PCDHGA2: variants seen among roughly 807,000 people sequenced by gnomAD.
PCDHGA2 encodes protocadherin gamma subfamily A, 2.
PCDHGA2 carries 40 observed loss-of-function variants against 59.2 expected under a neutral mutation model. The observed-to-expected ratio is 0.68, with a 90% CI of 0.52 to 0.88. The LOEUF (loss-of-function observed/expected upper bound fraction) is 0.88, where lower values mean the gene tolerates loss of function less well. Among genes scored for constraint, PCDHGA2 ranks in the 40% least tolerant of loss-of-function variants. The pLI is 0.00. For missense variants in PCDHGA2, 1,226 were observed against 1,204.0 expected, an observed-to-expected ratio of 1.02 and a Z score of -0.27; for synonymous variants, 560 against 526.0, an observed-to-expected ratio of 1.06 and a Z score of -0.89.
At chr5:141,361,039 A>G (rs1561522364) in intron 1 of PCDHGA2, 6 of 1,613,496 alleles carry the variant, frequency 3.7e-6, no homozygotes, top group Non-Finnish European at 4.2e-6. Flanking sequence ...AGGAGAAATC[A>G]CGACAAAGGA....
intron 1 of PCDHGA2, among the ~76,000 whole-genome samples, chr5:141,488,782 C>T (rs990081222): frequency 2.0e-5 from 3 of 152,178 alleles, no homozygotes; most frequent in Non-Finnish European, 1.5e-5. Flanking sequence ...TTTTGTATCA[C>T]TTTGTCTTCC....
At chr5:141,405,093 T>C in intron 1 of PCDHGA2, 1 of 1,613,946 alleles carries the variant, frequency 6.2e-7, no homozygotes, top group Non-Finnish European at 8.5e-7. Flanking sequence ...CTGCTGGCCC[T>C]CAGGCTGAGG....
intron 1 of PCDHGA2, chr5:141,427,931 G>C: frequency 6.3e-7 from 1 of 1,583,764 alleles, no homozygotes; most frequent in Non-Finnish European, 8.6e-7. Flanking sequence ...GGCGCATGTT[G>C]GTGGGCGACC....
rs150106838 is a variant in PCDHGA2, at chr5:141,503,886, T to C, written c.2484-1507T>C. On this transcript the variant is annotated intron_variant, in intron 2 of 3. Coordinates refer to ENST00000394576, the MANE Select transcript of PCDHGA2 (RefSeq NM_018915.4). Reference sequence around the variant, plus strand: ...AGTTCTTGGTTGTGCTCACCCACCATGACAAAATATGCACACACACAACGC... The same window carrying C: ...AGTTCTTGGTTGTGCTCACCCACCACGACAAAATATGCACACACACAACGC... Among the ~76,000 whole-genome samples, 20 of 152,290 alleles carry C rather than the reference T, an allele frequency of 1.3e-4. No individual in the cohort carries two copies. The South Asian group carries it at 3.9e-3, about 30-fold the overall frequency.
Position 141,489,087 on chromosome 5 carries a change from TGA to T in PCDHGA2, c.2425-5719_2425-5718del. The T allele has an allele frequency of 4.6e-6, 1 of 216,098 alleles. No individual in the cohort carries two copies. 13.4% of individuals were successfully genotyped at this position (216,098 alleles called of 1,614,324 possible). ...CCCCCTGCCCACCCCCGCCACTCGGTGACTAAGAACTGCTGCAAGCAGGCAAA... is the reference window on the plus strand; with the variant it reads ...CCCCCTGCCCACCCCCGCCACTCGGTCTAAGAACTGCTGCAAGCAGGCAAA... On this transcript the variant is annotated intron_variant, in intron 1 of 3. Transcript: ENST00000394576. The surrounding 1 kb of genome is among the most constrained non-coding windows in gnomAD (Gnocchi z 4.5).
intron 1 of PCDHGA2, chr5:141,374,849 C>T: frequency 6.2e-7 from 1 of 1,613,754 alleles, no homozygotes; most frequent in Non-Finnish European, 8.5e-7. Context: ...TGAAAACCTG[C>T]CAGTAGGCAC....
At chr5:141,407,708 G>C (rs2094972839) in intron 1 of PCDHGA2, among the ~76,000 whole-genome samples, 1 of 152,106 alleles carries the variant, frequency 6.6e-6, no homozygotes, top group African/African-American at 2.4e-5. Flanking sequence ...TGAAGGTGGG[G>C]TGATGGCTAT....
At chr5:141,441,004 C>G (rs1258800474) in intron 1 of PCDHGA2, 1 of 152,066 alleles carries the variant, frequency 6.6e-6, no homozygotes, top group African/African-American at 2.4e-5. Flanking sequence ...TCTAGTTTGG[C>G]CTTGATCAAA....
rs773944794 is a variant in PCDHGA2 at position 141,477,003 on chromosome 5, C to T, written c.2425-17804C>T. 1.2e-6 allele frequency: 2 copies of T among 1,614,214 alleles called. No homozygotes were observed. The highest frequency in any genetic ancestry group is 8.5e-7 in the Non-Finnish European group (1 of 1,180,040). On this transcript the variant is annotated intron_variant, in intron 1 of 3. Transcript: ENST00000394576. This position sits in a 1 kb window ranked among gnomAD's most constrained non-coding sequence, Gnocchi z 4.9. ...CGCGCCGGCGTGCGGCAACTATTCG[C>T]CTTAGACCTTGTAACCGGGATGCTG...
intron 1 of PCDHGA2, chr5:141,409,623 T>G: frequency 6.2e-7 from 1 of 1,613,854 alleles, no homozygotes; most frequent in Non-Finnish European, 8.5e-7. Context: ...ATTGCGCAAG[T>G]GAGCGCCTCT....
chr5:141,383,698 A>G lies in PCDHGA2; in HGVS notation c.2424+42303A>G, dbSNP rs376903516. 5.0e-6 allele frequency: 8 copies of G among 1,614,026 alleles called. No homozygotes were observed. Among genetic ancestry groups the G allele is most frequent in the South Asian group, 1.1e-5 (1 of 91,088 alleles). On this transcript the variant is annotated intron_variant, in intron 1 of 3. Transcript: ENST00000394576. ...TACAAGACTGCTCACGGTACATGCTATCGACCTGGACGAGGGAGTCAATGG... is the reference window on the plus strand; with the variant it reads ...TACAAGACTGCTCACGGTACATGCTGTCGACCTGGACGAGGGAGTCAATGG...
At chr5:141,372,392 T>G in intron 1 of PCDHGA2, 2 of 1,614,052 alleles carry the variant, frequency 1.2e-6, no homozygotes, top group East Asian at 2.2e-5. Flanking sequence ...TCTTCGCAGA[T>G]AGCTTGCAAG....
intron 1 of PCDHGA2, chr5:141,374,635 C>A (rs759050511): frequency 3.7e-6 from 6 of 1,612,926 alleles, no homozygotes; most frequent in Non-Finnish European, 4.2e-6. Flanking sequence ...ACGTGCAAAG[C>A]GAAGCCCATG....
chr5:141,391,887 T>C (rs970251505), intron 1 of PCDHGA2: 1 of 152,200 alleles, frequency 6.6e-6, no homozygotes, highest in Non-Finnish European at 1.5e-5. Context: ...GTGAAAGGGA[T>C]GGGATGGAGC....
rs775895766 is a variant in PCDHGA2, at chr5:141,384,987, G to T, written c.2424+43592G>T. On this transcript the variant is annotated intron_variant, in intron 1 of 3. Coordinates refer to ENST00000394576, the MANE Select transcript of PCDHGA2 (RefSeq NM_018915.4). ...ACCTCACGTTGTACCTGGTGGTGGC[G>T]GTGGCCACAGTCTCCTGCGTCTTCC... The T allele has an allele frequency of 3.7e-6, 6 of 1,613,996 alleles. No individual in the cohort carries two copies. The African/African-American group carries it at 6.7e-5, about 18-fold the overall frequency.
chr5:141,338,788 AG>A lies in PCDHGA2; in HGVS notation c.-179del, dbSNP rs1206219507. The A allele has an allele frequency of 4.3e-5, 58 of 1,341,984 alleles. No individual in the cohort carries two copies. The highest frequency in any genetic ancestry group is 5.3e-5 in the Non-Finnish European group (56 of 1,052,028). 83.1% of individuals were successfully genotyped at this position (1,341,984 alleles called of 1,614,324 possible). The stretch of plus-strand genomic sequence containing the variant: ...CCAGCAATACGGCTCCCACAGCACA[AG>A]GGGGTGGAGGTTTGGCCCTAAAGCT... On this transcript the variant is annotated 5_prime_UTR_variant, in exon 1 of 4. Coordinates refer to ENST00000394576, the MANE Select transcript of PCDHGA2 (RefSeq NM_018915.4).
At chr5:141,390,382 T>C in intron 1 of PCDHGA2, 2 of 1,443,060 alleles carry the variant, frequency 1.4e-6, no homozygotes, top group South Asian at 1.3e-5. Context: ...AATTTTTAGA[T>C]GTCATGGATC....
intron 1 of PCDHGA2, among the ~76,000 whole-genome samples, chr5:141,452,299 A>G (rs2098738116): frequency 6.6e-6 from 1 of 152,176 alleles, no homozygotes; most frequent in African/African-American, 2.4e-5. Flanking sequence ...ATAAGAAAAT[A>G]TTAGAGACTC....
rs756330109 is a variant in PCDHGA2, at chr5:141,432,621, T to A, written c.2425-62186T>A. ...GAGCCGGGACTCTTCTCGGTGGGTC[T>A]GCACACGGGCGAGGTGCGCACGGCG... On this transcript the variant is annotated intron_variant, in intron 1 of 3. Transcript: ENST00000394576. This position sits in a 1 kb window ranked among gnomAD's most constrained non-coding sequence, Gnocchi z 6.0. The A allele has an allele frequency of 3.1e-6, 5 of 1,612,942 alleles. No homozygotes were observed. Among genetic ancestry groups the A allele is most frequent in the Admixed American group, 1.7e-5 (1 of 59,962 alleles).
Sources: allele counts gnomAD v4.1 joint callset (sites outside exome capture counted in the v4.1 genomes callset), GRCh38; gene constraint gnomAD v4.1.1; non-coding constraint Gnocchi (gnomAD v3.1); transcripts MANE v1.5; gene names NCBI Gene and HGNC (gene_info 2026-07-23, HGNC 2026-07-21).